PRPF18: variants seen among roughly 807,000 people sequenced by gnomAD.
PRPF18 encodes pre-mRNA processing factor 18.
PRPF18 carries 38 observed loss-of-function variants against 46.5 expected under a neutral mutation model. The observed-to-expected ratio is 0.82, with a 90% CI of 0.63 to 1.07. The LOEUF is 1.07. Ranked by LOEUF, PRPF18 falls within the 50% of genes least tolerant of loss-of-function variation. PRPF18 has a pLI of 0.00. For missense variants in PRPF18, 263 were observed against 410.0 expected (o/e 0.64, Z 3.10); for synonymous variants, 152 against 146.7 (o/e 1.04, Z -0.26).
At chr10:13,643,168 G>A in the PRPF18 span, 1 of 152,282 alleles carries the variant, frequency 6.6e-6, no homozygotes, top group East Asian at 1.9e-4. Context: ...TTGAGCTGCA[G>A]TGTGAGCACA....
intron 3 of PRPF18, among the ~76,000 whole-genome samples, chr10:13,602,737 C>A (rs2080130920): frequency 6.6e-6 from 1 of 152,010 alleles, no homozygotes; most frequent in Admixed American, 6.6e-5. Flanking sequence ...AATTCTGTTA[C>A]TTTTCGATTT....
intron 9 of PRPF18, among the ~76,000 whole-genome samples, chr10:13,625,066 G>A (rs540205144): frequency 2.1e-4 from 32 of 152,344 alleles, no homozygotes; most frequent in African/African-American, 7.5e-4. Context: ...AAGCGTGGTG[G>A]CTCATGCCTG....
rs113715598 is a variant in PRPF18, at chr10:13,606,850, A to C, written c.363+1106A>C. 3.3e-5 allele frequency among the ~76,000 whole-genome samples: 5 copies of C among 151,654 alleles called. 1 individual carries two copies. The highest frequency in any genetic ancestry group is 1.2e-4 in the African/African-American group (5 of 41,380). ...GTAAATAAATAGGTCTCTTGGGGAG[A>C]TACCTAGAAGTAGAATTGCTGGATA... is the stretch of plus-strand genomic sequence containing the variant. On this transcript the variant is annotated intron_variant, in intron 4 of 9. Coordinates refer to ENST00000378572, the MANE Select transcript of PRPF18 (RefSeq NM_003675.4).
At chr10:13,611,756 A>G in intron 6 of PRPF18, 73 bp downstream of exon 6, 1 of 1,362,022 alleles carries the variant, frequency 7.3e-7, no homozygotes, top group Non-Finnish European at 1.0e-6. Context: ...TGGATTACCA[A>G]GGGTTAAAGG....
intron 9 of PRPF18, among the ~76,000 whole-genome samples, chr10:13,627,645 C>T (rs1246536074): frequency 6.6e-6 from 1 of 152,230 alleles, no homozygotes; most frequent in Non-Finnish European, 1.5e-5. Context: ...TATCATACCG[C>T]TCTGTGGTAA....
chr10:13,631,484 G>T (rs1020414351), downstream of PRPF18: 1 of 152,244 alleles, frequency 6.6e-6, no homozygotes, highest in Non-Finnish European at 1.5e-5. Flanking sequence ...TGTCTTAAAT[G>T]GTAGTTGGTA....
chr10:13,629,145 G>A (rs2080555253), intron 9 of PRPF18, among the ~76,000 whole-genome samples: 1 of 152,156 alleles, frequency 6.6e-6, no homozygotes, highest in African/African-American at 2.4e-5. Context: ...TGGAGAACTG[G>A]CCAAACTGCT....
chr10:13,631,678 AATG>A (rs1188256432), downstream of PRPF18: 1 of 152,200 alleles, frequency 6.6e-6, no homozygotes, highest in Non-Finnish European at 1.5e-5. Context: ...TAACAGTAAT[AATG>A]ATGGTGTTAG....
At chr10:13,652,026 A>C in the PRPF18 span, 3 of 939,194 alleles carry the variant, frequency 3.2e-6, no homozygotes, top group Admixed American at 5.1e-5. Context: ...TGTTACAGAG[A>C]GACACTGACA....
At chr10:13,610,422 G>A (rs181139651) in intron 5 of PRPF18, among the ~76,000 whole-genome samples, 1 of 152,264 alleles carries the variant, frequency 6.6e-6, no homozygotes, top group Admixed American at 6.5e-5. Context: ...CTTTCTGTTT[G>A]TTGGTGCTCT....
the PRPF18 span, chr10:13,649,111 A>G: frequency 6.6e-6 from 1 of 152,210 alleles, no homozygotes; most frequent in African/African-American, 2.4e-5. Context: ...AAATGGGCTA[A>G]TATTATGAAA....
At chr10:13,611,030 T>A (rs1287307434) in intron 5 of PRPF18, among the ~76,000 whole-genome samples, 1 of 152,238 alleles carries the variant, frequency 6.6e-6, no homozygotes, top group Non-Finnish European at 1.5e-5. Flanking sequence ...AACTTATTTT[T>A]CTGTTTCCTT....
At chr10:13,605,229 G>C (rs1216558730) in intron 3 of PRPF18, among the ~76,000 whole-genome samples, 1 of 152,178 alleles carries the variant, frequency 6.6e-6, no homozygotes, top group Non-Finnish European at 1.5e-5. Flanking sequence ...ATTAAACCCA[G>C]GCTTGGCTTT....
chr10:13,588,703 G>C (rs924180635), intron 1 of PRPF18, among the ~76,000 whole-genome samples: 3 of 152,060 alleles, frequency 2.0e-5, no homozygotes, highest in African/African-American at 7.2e-5. Context: ...TTCACTGATG[G>C]GAATGCTAAG....
intron 9 of PRPF18, among the ~76,000 whole-genome samples, chr10:13,620,364 T>A (rs1043904826): frequency 7.2e-5 from 11 of 152,250 alleles, no homozygotes; most frequent in Non-Finnish European, 1.3e-4. Flanking sequence ...ACTAAGATGT[T>A]GGCCGAGGAG....
the PRPF18 span, chr10:13,643,076 T>C: frequency 0.56 from 85,104 of 152,034 alleles, 24,216 homozygotes; most frequent in East Asian, 0.79. Context: ...CCATTTCATC[T>C]GTAAGTCAGG....
Position 13,604,615 on chromosome 10 carries a change from C to T in PRPF18, c.250-1016C>T, listed in dbSNP as rs1254334304. ...ATCAGCTGGCTTCAGATTTGATTTT[C>T]CTTCTCTCTATAAATGCTGTCATTC... is the stretch of plus-strand genomic sequence containing the variant. On this transcript the variant is annotated intron_variant, in intron 3 of 9. Coordinates refer to ENST00000378572, the MANE Select transcript of PRPF18 (RefSeq NM_003675.4). Among the ~76,000 whole-genome samples the T allele has an allele frequency of 3.3e-5, 5 of 152,054 alleles. No homozygotes were observed. In the East Asian group the frequency reaches 9.6e-4, roughly 29 times the overall value.
chr10:13,612,070 G>A (rs1247934934), intron 6 of PRPF18, among the ~76,000 whole-genome samples: 1 of 151,898 alleles, frequency 6.6e-6, no homozygotes, highest in African/African-American at 2.4e-5. Context: ...AGTAGAGATC[G>A]GGTTTCACCA....
the PRPF18 span, chr10:13,652,946 C>T: frequency 1.3e-5 from 2 of 152,190 alleles, no homozygotes; most frequent in African/African-American, 4.8e-5. Context: ...TGGGGAAAGA[C>T]AGGGTTTGGG....
Sources: allele counts gnomAD v4.1 joint callset (sites outside exome capture counted in the v4.1 genomes callset), GRCh38; gene constraint gnomAD v4.1.1; transcripts MANE v1.5; gene names NCBI Gene and HGNC (gene_info 2026-07-23, HGNC 2026-07-21).